Variants in SCFD2 observed in about 807,000 individuals in gnomAD.
The protein encoded by SCFD2 is sec1 family domain containing 2.
SCFD2 carries 54 observed loss-of-function variants against 58.9 expected under a neutral mutation model. The observed-to-expected ratio is 0.92, with a 90% CI of 0.74 to 1.15. SCFD2 has a LOEUF of 1.15. Among genes scored for constraint, SCFD2 ranks in the 50% most tolerant of loss-of-function variants. SCFD2 has a pLI of 0.00. For synonymous variants in SCFD2, 321 were observed against 335.9 expected (o/e 0.96, Z 0.49); for missense variants, 805 against 836.6 (o/e 0.96, Z 0.47).
chr4:53,221,109 T>C (rs1449174795), intron 4 of SCFD2, among the ~76,000 whole-genome samples: 2 of 152,214 alleles, frequency 1.3e-5, no homozygotes, highest in Non-Finnish European at 1.5e-5. Flanking sequence ...GGCCAGGCAC[T>C]GTGCTAGTGC....
chr4:52,993,012 G>A (rs1197779605), intron 5 of SCFD2, among the ~76,000 whole-genome samples: 2 of 151,850 alleles, frequency 1.3e-5, no homozygotes, highest in Non-Finnish European at 2.9e-5. Context: ...TGTGCAGAGG[G>A]AAGTAGACGT....
At chr4:53,096,814 C>T (rs1343708174) in intron 5 of SCFD2, among the ~76,000 whole-genome samples, 1 of 152,130 alleles carries the variant, frequency 6.6e-6, no homozygotes, top group Non-Finnish European at 1.5e-5. Context: ...AATGGTACTG[C>T]CTAGGTTTTC....
chr4:52,878,423 T>A (rs529338229), intron 8 of SCFD2, among the ~76,000 whole-genome samples: 1 of 152,340 alleles, frequency 6.6e-6, no homozygotes, highest in African/African-American at 2.4e-5. Context: ...GCAAGCAGGA[T>A]CATACTGCTG....
chr4:53,131,580 C>G (rs1384373090), intron 5 of SCFD2, among the ~76,000 whole-genome samples: 2 of 152,112 alleles, frequency 1.3e-5, no homozygotes, highest in Non-Finnish European at 2.9e-5. Context: ...GCATATGAAG[C>G]TAGAACCATA....
At chr4:53,266,779 G>A (rs1003885277) in intron 4 of SCFD2, among the ~76,000 whole-genome samples, 1 of 152,200 alleles carries the variant, frequency 6.6e-6, no homozygotes, top group African/African-American at 2.4e-5. Flanking sequence ...CACTGACAGT[G>A]ATATTGGACC....
chr4:52,886,892 T>C (rs1204740693), intron 7 of SCFD2, among the ~76,000 whole-genome samples: 1 of 152,254 alleles, frequency 6.6e-6, no homozygotes, highest in Admixed American at 6.5e-5. Flanking sequence ...TCTTCCTTGT[T>C]AATCTTCAGG....
chr4:53,002,016 A>G (rs1169493593), intron 5 of SCFD2, among the ~76,000 whole-genome samples: 3 of 152,242 alleles, frequency 2.0e-5, no homozygotes, highest in Non-Finnish European at 4.4e-5. Flanking sequence ...GGTTTACTGA[A>G]TAATAAATAA....
chr4:53,008,353 C>T (rs993572107), intron 5 of SCFD2, among the ~76,000 whole-genome samples: 4 of 152,194 alleles, frequency 2.6e-5, no homozygotes, highest in Non-Finnish European at 5.9e-5. Context: ...TCTCCCTCCC[C>T]ACCCTGGCAC....
At chr4:52,968,463 G>C (rs540556717) in intron 5 of SCFD2, among the ~76,000 whole-genome samples, 1 of 152,198 alleles carries the variant, frequency 6.6e-6, no homozygotes, top group Non-Finnish European at 1.5e-5. Context: ...ATCTGTGGCC[G>C]TGGGGCAAAT....
chr4:53,159,437 C>T (rs1560362722), intron 4 of SCFD2, among the ~76,000 whole-genome samples: 1 of 152,096 alleles, frequency 6.6e-6, no homozygotes, highest in African/African-American at 2.4e-5. Context: ...CTAGAGTTTG[C>T]AGGGAAGGGG....
chr4:53,214,061 G>T (rs1419808136), intron 4 of SCFD2, among the ~76,000 whole-genome samples: 1 of 151,956 alleles, frequency 6.6e-6, no homozygotes, highest in Non-Finnish European at 1.5e-5. Context: ...ATCATTCATG[G>T]ACATTTCGGT....
chr4:52,997,800 T>C lies in SCFD2; in HGVS notation c.1562-76930A>G, dbSNP rs1440330797. On this transcript the variant is annotated intron_variant, in intron 5 of 8. Transcript: ENST00000401642. ...AACTATTTGATGAGGAGTCTGTCTT[T>C]GCCCAGAGGGTCTTCTATGCCTATA... Among the ~76,000 whole-genome samples, 7 of 152,204 alleles carry C rather than the reference T, an allele frequency of 4.6e-5. No homozygotes were observed. The East Asian group carries it at 1.3e-3, about 29-fold the overall frequency.
chr4:52,887,732 T>C (rs945716987), intron 7 of SCFD2, among the ~76,000 whole-genome samples: 6 of 152,086 alleles, frequency 3.9e-5, no homozygotes, highest in African/African-American at 1.4e-4. Flanking sequence ...TAGTAAGTGT[T>C]CTTGCCCAAC....
chr4:53,301,213 A>G (rs1341549927), intron 3 of SCFD2, among the ~76,000 whole-genome samples: 2 of 152,194 alleles, frequency 1.3e-5, no homozygotes, highest in East Asian at 3.8e-4. Flanking sequence ...CAAGACTAAT[A>G]AAGAAGAAAA....
chr4:53,339,228 A>G (rs1171667800), intron 2 of SCFD2, among the ~76,000 whole-genome samples: 1 of 151,986 alleles, frequency 6.6e-6, no homozygotes, highest in African/African-American at 2.4e-5. Flanking sequence ...CTTGTATGGG[A>G]GAGTAAAGGG....
At chr4:53,293,088 T>C (rs1413742346) in intron 3 of SCFD2, among the ~76,000 whole-genome samples, 5 of 150,900 alleles carry the variant, frequency 3.3e-5, no homozygotes. Context: ...AAAAAGAAAA[T>C]GTAGTACATA....
intron 5 of SCFD2, among the ~76,000 whole-genome samples, chr4:53,077,805 A>G (rs979395724): frequency 6.6e-6 from 1 of 152,206 alleles, no homozygotes; most frequent in African/African-American, 2.4e-5. Flanking sequence ...ATCCTCCTAT[A>G]TCAAGAATGA....
intron 4 of SCFD2, among the ~76,000 whole-genome samples, chr4:53,147,796 A>G (rs1415196886): frequency 2.6e-5 from 4 of 152,212 alleles, no homozygotes; most frequent in East Asian, 1.9e-4. Context: ...AAAAATTGCA[A>G]AAGAATCTCA....
intron 5 of SCFD2, among the ~76,000 whole-genome samples, chr4:52,923,917 C>T (rs1327843966): frequency 6.6e-6 from 1 of 152,110 alleles, no homozygotes; most frequent in African/African-American, 2.4e-5. Context: ...TCCTTCAACC[C>T]CTAGGCTCAG....
Sources: gnomAD v4.1 joint callset for allele counts (sites outside exome capture counted in the v4.1 genomes callset) on GRCh38, gnomAD v4.1.1 for gene constraint, MANE v1.5 for transcripts, NCBI Gene and HGNC (gene_info 2026-07-23, HGNC 2026-07-21) for gene names.